The following RGS6 variants were observed in gnomAD, a reference collection of about 807,000 sequenced individuals.
The protein encoded by RGS6 is regulator of G-protein signaling 6.
RGS6 carries 30 observed loss-of-function variants against 78.5 expected under a neutral mutation model. That is an observed-to-expected ratio of 0.38 (90% confidence interval 0.29 to 0.52). RGS6 has a LOEUF of 0.52. Among genes scored for constraint, RGS6 ranks in the 20% least tolerant of loss-of-function variants. RGS6 has a pLI of 0.85. For synonymous variants in RGS6, 206 were observed against 206.0 expected (o/e 1.00, Z 0.00); for missense variants, 495 against 609.7 (o/e 0.81, Z 1.98).
intron 2 of RGS6, among the ~76,000 whole-genome samples, chr14:72,044,814 A>G (rs1169159763): frequency 1.3e-5 from 2 of 152,016 alleles, no homozygotes; most frequent in Non-Finnish European, 2.9e-5. Flanking sequence ...TGGAGGTTGC[A>G]GTGAGCCGAG....
chr14:72,605,461 T>C, the RGS6 span, among the ~76,000 whole-genome samples: 18 of 152,318 alleles, frequency 1.2e-4, no homozygotes, highest in African/African-American at 4.3e-4. Context: ...GCATTAACAA[T>C]GCTAATTACC....
chr14:71,975,123 T>C (rs889825692), intron 2 of RGS6, among the ~76,000 whole-genome samples: 6 of 152,210 alleles, frequency 3.9e-5, no homozygotes, highest in Non-Finnish European at 7.4e-5. Flanking sequence ...CACCACACTC[T>C]AGCCTGGGCA....
At chr14:72,061,557 C>G (rs1476391316) in intron 2 of RGS6, among the ~76,000 whole-genome samples, 1 of 151,860 alleles carries the variant, frequency 6.6e-6, no homozygotes, top group East Asian at 1.9e-4. Context: ...ACCCTGGTTT[C>G]AACTGGAAAA....
chr14:71,883,387 C>T, the RGS6 span, among the ~76,000 whole-genome samples: 2 of 152,176 alleles, frequency 1.3e-5, no homozygotes, highest in Non-Finnish European at 2.9e-5. Flanking sequence ...TTAGCTAAAC[C>T]ACAGAAAGTC....
intron 2 of RGS6, among the ~76,000 whole-genome samples, chr14:72,313,234 C>T (rs976794047): frequency 2.0e-5 from 3 of 152,162 alleles, no homozygotes; most frequent in Admixed American, 2.0e-4. Context: ...TTTTCTGGGC[C>T]CAGTGCAAAA....
intron 3 of RGS6, among the ~76,000 whole-genome samples, chr14:72,373,953 TTAAAA>T (rs2084056792): frequency 6.6e-6 from 1 of 152,182 alleles, no homozygotes; most frequent in African/African-American, 2.4e-5. Flanking sequence ...TACAGAAAGT[TTAAAA>T]TATAATTTTG....
intron 3 of RGS6, among the ~76,000 whole-genome samples, chr14:72,416,240 T>A (rs961950147): frequency 6.6e-6 from 1 of 152,166 alleles, no homozygotes; most frequent in Non-Finnish European, 1.5e-5. Flanking sequence ...GAGAATTTGT[T>A]GTTTAACAGA....
At chr14:72,356,666 C>T (rs908291134) in intron 3 of RGS6, among the ~76,000 whole-genome samples, 1 of 152,172 alleles carries the variant, frequency 6.6e-6, no homozygotes, top group Non-Finnish European at 1.5e-5. Context: ...GTAATTGAAT[C>T]ATGGGGGCAG....
intron 4 of RGS6, among the ~76,000 whole-genome samples, chr14:72,456,192 G>T (rs1009138998): frequency 6.6e-6 from 1 of 152,190 alleles, no homozygotes; most frequent in African/African-American, 2.4e-5. Flanking sequence ...GCTGGGAATA[G>T]TCTAAGGGGG....
intron 2 of RGS6, among the ~76,000 whole-genome samples, chr14:72,021,145 C>T (rs914359454): frequency 6.6e-6 from 1 of 152,210 alleles, no homozygotes; most frequent in Admixed American, 6.5e-5. Flanking sequence ...TGATCCTTCT[C>T]TTCACTTTTC....
intron 2 of RGS6, among the ~76,000 whole-genome samples, chr14:72,193,000 CTTTT>C (rs1361609944): frequency 7.9e-6 from 1 of 126,048 alleles, no homozygotes; most frequent in African/African-American, 2.9e-5. Context: ...TTTTTTCTTT[CTTTT>C]TTTTTTGAGA....
chr14:72,615,700 G>A, the RGS6 span, among the ~76,000 whole-genome samples: 1 of 152,246 alleles, frequency 6.6e-6, no homozygotes, highest in African/African-American at 2.4e-5. Flanking sequence ...GCAGGGACAG[G>A]AGCAGGGGAG....
chr14:72,084,846 G>C (rs943039824), intron 2 of RGS6, among the ~76,000 whole-genome samples: 1 of 152,234 alleles, frequency 6.6e-6, no homozygotes, highest in African/African-American at 2.4e-5. Context: ...TTCCTGAAGA[G>C]CGAGTTGTTC....
At chr14:72,168,259 G>A (rs8009180) in intron 2 of RGS6, among the ~76,000 whole-genome samples, 44,008 of 151,908 alleles carry the variant, frequency 0.29, 6,590 homozygotes, top group East Asian at 0.42. Flanking sequence ...GAGGATCCAC[G>A]TAAACACCCC....
At chr14:72,107,313 A>G (rs945752295) in intron 2 of RGS6, among the ~76,000 whole-genome samples, 11 of 152,066 alleles carry the variant, frequency 7.2e-5, no homozygotes, top group Admixed American at 2.0e-4. Flanking sequence ...AATCATCCCT[A>G]TTGAAGCTCA....
chr14:72,600,986 GGAA>G, the RGS6 span, among the ~76,000 whole-genome samples: 3 of 147,838 alleles, frequency 2.0e-5, no homozygotes, highest in African/African-American at 7.6e-5. Context: ...AGCAGGGAGA[GGAA>G]GAGGAGGAGG....
chr14:72,154,107 ATAATT>A (rs1052311523), intron 2 of RGS6, among the ~76,000 whole-genome samples: 5 of 152,218 alleles, frequency 3.3e-5, no homozygotes, highest in African/African-American at 9.7e-5. Flanking sequence ...TGCTAGGAAA[ATAATT>A]TAGTGATATC....
chr14:72,526,522 T>C (rs895201783), intron 15 of RGS6, among the ~76,000 whole-genome samples: 4 of 146,460 alleles, frequency 2.7e-5, no homozygotes, highest in Non-Finnish European at 4.4e-5. Flanking sequence ...ATGAAAATAC[T>C]GTGCCCTTTG....
Position 72,566,336 on chromosome 14 carries a change from G to A in RGS6, c.*3869G>A, listed in dbSNP as rs1458295507. The A allele has an allele frequency of 6.6e-6, 1 of 152,220 alleles. No individual in the cohort carries two copies. The highest frequency in any genetic ancestry group is 1.9e-4 in the East Asian group (1 of 5,182). 9.4% of individuals were successfully genotyped at this position (152,220 alleles called of 1,614,324 possible). Reference sequence around the variant, plus strand: ...GCTGTCAGCTGTCTGGGGAGGGAAGGCCCTGCTCCATACCAGGGGTCCCTG... The same window carrying A: ...GCTGTCAGCTGTCTGGGGAGGGAAGACCCTGCTCCATACCAGGGGTCCCTG... On this transcript the variant is annotated 3_prime_UTR_variant, in exon 18 of 18. Coordinates refer to ENST00000553525, the MANE Select transcript of RGS6 (RefSeq NM_001204424.2).
Sources: gnomAD v4.1 joint callset for allele counts (sites outside exome capture counted in the v4.1 genomes callset) on GRCh38, gnomAD v4.1.1 for gene constraint, MANE v1.5 for transcripts, NCBI Gene and HGNC (gene_info 2026-07-23, HGNC 2026-07-21) for gene names.